Variants in MKRN2 observed in about 807,000 individuals in gnomAD.
MKRN2 encodes makorin ring finger protein 2.
A neutral mutation model predicts 45.4 loss-of-function variants in MKRN2; 32 were observed. That is an observed-to-expected ratio of 0.70 (90% CI 0.53 to 0.95). The LOEUF is 0.95. MKRN2 is among the 40% of genes least tolerant of loss of function. The probability of loss-of-function intolerance (pLI) is 0.00; values close to 1 mark genes in which losing one functional copy is unlikely to be tolerated. For missense variants in MKRN2, 526 were observed against 536.7 expected (o/e 0.98, Z 0.20); for synonymous variants, 206 against 192.4 (o/e 1.07, Z -0.59).
intron 6 of MKRN2, among the ~76,000 whole-genome samples, chr3:12,580,860 A>G (rs975641525): frequency 6.6e-6 from 1 of 152,222 alleles, no homozygotes; most frequent in African/African-American, 2.4e-5. Flanking sequence ...TGGATTCAGG[A>G]GCCTCCTTTC....
intron 4 of MKRN2, among the ~76,000 whole-genome samples, chr3:12,574,180 G>A (rs1443261026): frequency 6.6e-6 from 1 of 152,248 alleles, no homozygotes; most frequent in Middle Eastern, 3.2e-3. Flanking sequence ...TTATGCAAGT[G>A]TGTGAGGTCT....
chr3:12,565,524 CTTTTTTTTTTTTTT>C (rs10598451), intron 1 of MKRN2, among the ~76,000 whole-genome samples: 3 of 91,960 alleles, frequency 3.3e-5, no homozygotes, highest in African/African-American at 4.7e-5. Context: ...CCCAACTTAC[CTTTTTTTTTTTTTT>C]TTTTTTTTTT....
intron 1 of MKRN2, among the ~76,000 whole-genome samples, chr3:12,558,419 A>C (rs2058003182): frequency 6.6e-6 from 1 of 152,174 alleles, no homozygotes. Context: ...GTCATTGTGC[A>C]CTGTAAAGCA....
intron 6 of MKRN2, among the ~76,000 whole-genome samples, chr3:12,577,614 G>A (rs927165751): frequency 6.6e-6 from 1 of 151,814 alleles, no homozygotes; most frequent in South Asian, 2.1e-4. Context: ...TTTTATCCTT[G>A]ACATTGTAAA....
intron 3 of MKRN2, among the ~76,000 whole-genome samples, chr3:12,571,685 A>G (rs1245625631): frequency 2.0e-5 from 3 of 152,194 alleles, no homozygotes; most frequent in Admixed American, 1.3e-4. Flanking sequence ...CTTTGCTGGT[A>G]TGAAGGAAAC....
At chr3:12,581,601 A>G (rs1339750966) in intron 6 of MKRN2, among the ~76,000 whole-genome samples, 3 of 152,146 alleles carry the variant, frequency 2.0e-5, no homozygotes, top group Non-Finnish European at 2.9e-5. Context: ...AAGTGGGGAT[A>G]CTTCCTATCC....
At chr3:12,558,586 T>C (rs2058005674) in intron 1 of MKRN2, among the ~76,000 whole-genome samples, 1 of 152,226 alleles carries the variant, frequency 6.6e-6, no homozygotes, top group Admixed American at 6.5e-5. Context: ...TAGTATCTTA[T>C]TTTACAAATA....
At chr3:12,575,400 G>A (rs73128399) in intron 5 of MKRN2, among the ~76,000 whole-genome samples, 37 of 152,148 alleles carry the variant, frequency 2.4e-4, no homozygotes, top group Admixed American at 1.3e-3. Flanking sequence ...GGTTATTTGA[G>A]GATGAAGTGG....
At position 12,583,504 on chromosome 3, in the gene MKRN2, T is replaced by C; in HGVS notation, c.*1251T>C. ...ATTCCCAGCCTAGGCTCTGGGCACA[T>C]TTCCTGTTCTTGAATTCTGCTCCTG... On this transcript the variant is annotated 3_prime_UTR_variant, in exon 8 of 8. Coordinates refer to ENST00000170447, the MANE Select transcript of MKRN2 (RefSeq NM_014160.5). 1 of 208,020 alleles carries C rather than the reference T, an allele frequency of 4.8e-6. No individual in the cohort carries two copies. Among genetic ancestry groups the C allele is most frequent in the East Asian group, 7.3e-5 (1 of 13,646 alleles). 12.9% of individuals were successfully genotyped at this position (208,020 alleles called of 1,614,324 possible). A position where few individuals can be genotyped will look rare whatever the true frequency, so the allele number is the denominator to read the frequency against.
chr3:12,571,612 C>T (rs893217617), intron 3 of MKRN2, among the ~76,000 whole-genome samples: 1 of 152,184 alleles, frequency 6.6e-6, no homozygotes, highest in African/African-American at 2.4e-5. Flanking sequence ...GCAGTTTACA[C>T]TGGCCTCAGG....
rs2125303745 is a variant in MKRN2, at chr3:12,570,210, C to G, written c.295C>G (p.Pro99Ala). 4 of 1,614,140 alleles carry G rather than the reference C, an allele frequency of 2.5e-6. No individual in the cohort carries two copies. Among genetic ancestry groups the G allele is most frequent in the African/African-American group, 2.7e-5 (2 of 75,032 alleles). Reference protein sequence around the residue: ...ASIVKTNSHEPGKREKRTLVL... With the variant: ...ASIVKTNSHEAGKREKRTLVL... The stretch of plus-strand genomic sequence containing the variant: ...CATTGTGAAAACTAACTCACATGAA[C>G]CCGGAAAGCGTGAAAAGAGAACATT... Residue 99 changes from proline (P) to alanine (A), a missense_variant, in exon 3 of 8, where the codon CCC becomes GCC. By Grantham distance (27) the Pro-to-Ala change is conservative. Coordinates refer to ENST00000170447, the MANE Select transcript of MKRN2 (RefSeq NM_014160.5).
intron 4 of MKRN2, 143 bp from the exon 5 acceptor site, chr3:12,574,649 G>T: frequency 1.3e-6 from 1 of 745,722 alleles, no homozygotes; most frequent in Non-Finnish European, 2.3e-6. Context: ...TGACTTGGGG[G>T]AGCCTGGGCC....
chr3:12,575,071 G>A (rs990713719), intron 5 of MKRN2, 65 bp downstream of exon 5: 176 of 1,489,410 alleles, frequency 1.2e-4, no homozygotes, highest in Middle Eastern at 2.2e-4. Context: ...ACTTTATTCC[G>A]TCCACTTTTA....
chr3:12,563,325 G>C (rs1479922260), intron 1 of MKRN2, among the ~76,000 whole-genome samples: 1 of 152,108 alleles, frequency 6.6e-6, no homozygotes, highest in Non-Finnish European at 1.5e-5. Context: ...CACTTCCTCT[G>C]CTTTTGGGGA....
At position 12,557,110 on chromosome 3, in the gene MKRN2, G is replaced by C. The variant is rs1186089517; in HGVS notation, c.-41G>C. 6.7e-7 allele frequency: 1 copy of C among 1,491,590 alleles called. No homozygotes were observed. Among genetic ancestry groups the C allele is most frequent in the East Asian group, 2.9e-5 (1 of 34,850 alleles). The allele number at this position is 1,491,590 out of a possible 1,614,324, so 92.4% of individuals were successfully genotyped here. On this transcript the variant is annotated 5_prime_UTR_variant, in exon 1 of 8. Coordinates refer to ENST00000170447, the MANE Select transcript of MKRN2 (RefSeq NM_014160.5). ...CCAAGGCCGAGGCGGCAGCGGCTGC[G>C]AGAGGCGGCGGCACGACGACGGTCC... is the stretch of plus-strand genomic sequence containing the variant.
chr3:12,574,847 G>A lies in MKRN2; in HGVS notation c.698G>A (p.Ser233Asn). The part of the protein sequence containing the change: ...EMEKAFAFQA[S>N]QDKVCSICME... ...GAAAAGGCCTTTGCCTTCCAGGCAA[G>A]CCAGGACAAAGTGTGCAGTATCTGC... The change falls in exon 5 of 8, where the codon AGC (serine) becomes AAC (asparagine). Residue 233 changes from serine (S) to asparagine (N), a missense_variant. By Grantham distance (46) the Ser-to-Asn change is conservative (BLOSUM62 1). Coordinates refer to ENST00000170447, the MANE Select transcript of MKRN2 (RefSeq NM_014160.5). 1.2e-6 allele frequency: 2 copies of A among 1,614,244 alleles called. No individual in the cohort carries two copies. Among genetic ancestry groups the A allele is most frequent in the Non-Finnish European group, 1.7e-6 (2 of 1,180,052 alleles).
intron 6 of MKRN2, among the ~76,000 whole-genome samples, chr3:12,580,462 AC>A (rs2058169949): frequency 3.0e-5 from 1 of 33,738 alleles, no homozygotes. Flanking sequence ...CCCCGCCACC[AC>A]CCCCAGTGAG....
intron 1 of MKRN2, among the ~76,000 whole-genome samples, chr3:12,565,382 A>C (rs906065871): frequency 5.9e-5 from 9 of 152,114 alleles, no homozygotes; most frequent in African/African-American, 2.2e-4. Flanking sequence ...TGTGGATTCA[A>C]ATTAATTGTT....
intron 6 of MKRN2, among the ~76,000 whole-genome samples, chr3:12,578,804 G>GA (rs1376722402): frequency 6.7e-6 from 1 of 150,152 alleles, no homozygotes; most frequent in African/African-American, 2.4e-5. Context: ...GTGAAACTAT[G>GA]CATTACCTTT....
Sources: gnomAD v4.1 joint callset for allele counts (sites outside exome capture counted in the v4.1 genomes callset) on GRCh38, gnomAD v4.1.1 for gene constraint, MANE v1.5 for transcripts, NCBI Gene and HGNC (gene_info 2026-07-23, HGNC 2026-07-21) for gene names.